KLHL1: variants seen among roughly 807,000 people sequenced by gnomAD.
KLHL1 encodes kelch-like protein 1.
KLHL1 carries 47 observed loss-of-function variants against 77.7 expected under a neutral mutation model. The ratio of observed to expected loss-of-function variants is 0.60; its 90% confidence interval spans 0.48 to 0.77. The LOEUF is 0.77. Among genes scored for constraint, KLHL1 ranks in the 30% least tolerant of loss-of-function variants. KLHL1 has a pLI of 0.00. For synonymous variants in KLHL1, 360 were observed against 325.2 expected, an observed-to-expected ratio of 1.11 and a Z score of -1.15; for missense variants, 925 against 910.8, an observed-to-expected ratio of 1.02 and a Z score of -0.20.
intron 5 of KLHL1, among the ~76,000 whole-genome samples, chr13:69,855,012 T>C (rs1165792272): frequency 6.6e-6 from 1 of 152,050 alleles, no homozygotes. Context: ...CATAAATATA[T>C]GTATAGGAAT....
intron 5 of KLHL1, among the ~76,000 whole-genome samples, chr13:69,846,219 G>A (rs1194725605): frequency 6.6e-6 from 1 of 151,510 alleles, no homozygotes; most frequent in Non-Finnish European, 1.5e-5. Flanking sequence ...CAGGCAATAT[G>A]TTCTTTCGTT....
At chr13:69,820,289 T>C (rs1234545210) in intron 6 of KLHL1, among the ~76,000 whole-genome samples, 1 of 152,168 alleles carries the variant, frequency 6.6e-6, no homozygotes, top group Non-Finnish European at 1.5e-5. Context: ...CACATATCGG[T>C]TATCATAACG....
intron 1 of KLHL1, among the ~76,000 whole-genome samples, chr13:70,068,112 C>T (rs936999950): frequency 4.0e-5 from 6 of 150,916 alleles, no homozygotes; most frequent in East Asian, 3.9e-4. Context: ...GAGGCCGAGG[C>T]GGGCGGATCA....
At chr13:69,861,554 A>G (rs1047260391) in intron 5 of KLHL1, among the ~76,000 whole-genome samples, 8 of 152,018 alleles carry the variant, frequency 5.3e-5, no homozygotes, top group African/African-American at 1.2e-4. Context: ...ATATATGCAT[A>G]TGTATATATA....
chr13:70,019,425 T>C (rs1885736004), intron 1 of KLHL1, among the ~76,000 whole-genome samples: 1 of 152,072 alleles, frequency 6.6e-6, no homozygotes, highest in Non-Finnish European at 1.5e-5. Flanking sequence ...TTTCACCAGC[T>C]AGCTTCACTT....
chr13:69,892,903 C>T (rs916367318), intron 4 of KLHL1, among the ~76,000 whole-genome samples: 1 of 152,160 alleles, frequency 6.6e-6, no homozygotes, highest in African/African-American at 2.4e-5. Context: ...TCCACAGAAG[C>T]ATGTAAAATT....
chr13:69,879,809 G>A (rs1277612529), intron 5 of KLHL1, among the ~76,000 whole-genome samples: 4 of 151,878 alleles, frequency 2.6e-5, no homozygotes, highest in Non-Finnish European at 4.4e-5. Flanking sequence ...GTAAAATCTG[G>A]TCTTTAAAAC....
At chr13:70,007,072 A>G (rs1166837040) in intron 1 of KLHL1, among the ~76,000 whole-genome samples, 6 of 151,994 alleles carry the variant, frequency 3.9e-5, no homozygotes, top group Admixed American at 3.9e-4. Context: ...TTATGAATCC[A>G]CTGTTTTGTC....
chr13:69,811,064 C>A (rs1877858619), intron 6 of KLHL1, among the ~76,000 whole-genome samples: 1 of 151,470 alleles, frequency 6.6e-6, no homozygotes, highest in African/African-American at 2.4e-5. Flanking sequence ...TTGTACCAAT[C>A]TTACTGAAAC....
chr13:69,719,937 G>A (rs79249645), intron 8 of KLHL1, among the ~76,000 whole-genome samples: 13,529 of 151,980 alleles, frequency 0.089, 830 homozygotes, highest in African/African-American at 0.17. Flanking sequence ...ATATAAGACA[G>A]TGAACATAAA....
intron 4 of KLHL1, among the ~76,000 whole-genome samples, chr13:69,939,551 C>A (rs1883301298): frequency 6.6e-6 from 1 of 151,568 alleles, no homozygotes; most frequent in Admixed American, 6.6e-5. Context: ...AGTGAATGTA[C>A]AAAGGTAGAT....
intron 7 of KLHL1, among the ~76,000 whole-genome samples, chr13:69,749,265 C>T (rs946971761): frequency 7.2e-5 from 11 of 151,916 alleles, no homozygotes; most frequent in African/African-American, 2.7e-4. Flanking sequence ...AAATATTTTT[C>T]TGTGTTATGT....
At chr13:69,973,247 A>C (rs1363217818) in intron 2 of KLHL1, among the ~76,000 whole-genome samples, 2 of 151,976 alleles carry the variant, frequency 1.3e-5, no homozygotes, top group African/African-American at 4.8e-5. Context: ...CATACACCAT[A>C]TAACCAGCAC....
chr13:70,043,472 G>A (rs1886425992), intron 1 of KLHL1, among the ~76,000 whole-genome samples: 3 of 152,116 alleles, frequency 2.0e-5, no homozygotes, highest in Admixed American at 2.0e-4. Flanking sequence ...CTATGGTAGT[G>A]TACAGTAATG....
At chr13:70,054,397 G>C (rs1886696314) in intron 1 of KLHL1, among the ~76,000 whole-genome samples, 2 of 151,994 alleles carry the variant, frequency 1.3e-5, no homozygotes, top group Admixed American at 1.3e-4. Flanking sequence ...ATGTCTGTGA[G>C]ATTCATCCTC....
chr13:69,743,590 G>C (rs1050582240), intron 7 of KLHL1, among the ~76,000 whole-genome samples: 4 of 152,068 alleles, frequency 2.6e-5, no homozygotes, highest in Non-Finnish European at 4.4e-5. Flanking sequence ...TTCGAGACCA[G>C]CCTGGCCAAC....
chr13:70,083,098 AAAGGTGAACATAAG>A (rs2137432138), intron 1 of KLHL1, among the ~76,000 whole-genome samples: 1 of 152,332 alleles, frequency 6.6e-6, no homozygotes, highest in Admixed American at 6.5e-5. Flanking sequence ...GGAACTTCCC[AAAGGTGAACATAAG>A]AAGTACAACA....
At chr13:69,978,283 A>G (rs1314872111) in intron 1 of KLHL1, among the ~76,000 whole-genome samples, 1 of 151,628 alleles carries the variant, frequency 6.6e-6, no homozygotes, top group African/African-American at 2.4e-5. Context: ...AGGCTGCCAA[A>G]TGGACCAAAA....
intron 4 of KLHL1, among the ~76,000 whole-genome samples, chr13:69,901,787 C>CTTTTTCTTTTT (rs1881870006): frequency 1.2e-5 from 1 of 80,146 alleles, no homozygotes; most frequent in Non-Finnish European, 2.5e-5. Flanking sequence ...CTTTCTTTTT[C>CTTTTTCTTTTT]TTTTTTTCTT....
Sources: allele counts gnomAD v4.1 joint callset (sites outside exome capture counted in the v4.1 genomes callset), GRCh38; gene constraint gnomAD v4.1.1; transcripts MANE v1.5; gene names NCBI Gene and HGNC (gene_info 2026-07-23, HGNC 2026-07-21).